The following AKT3 variants were observed in gnomAD, a reference collection of about 807,000 sequenced individuals.
The protein encoded by AKT3 is RAC-gamma serine/threonine-protein kinase.
AKT3 carries 15 observed loss-of-function variants against 65.3 expected under a neutral mutation model. The observed-to-expected ratio is 0.23, with a 90% CI of 0.15 to 0.35. The LOEUF (loss-of-function observed/expected upper bound fraction) is 0.35, where lower values mean the gene tolerates loss of function less well. Among genes scored for constraint, AKT3 ranks in the 10% least tolerant of loss-of-function variants. The probability of loss-of-function intolerance (pLI) is 1.00; values close to 1 mark genes in which losing one functional copy is unlikely to be tolerated. For synonymous variants in AKT3, 206 were observed against 183.8 expected (o/e 1.12, Z -0.98); for missense variants, 243 against 576.5 (o/e 0.42, Z 5.92).
intron 2 of AKT3, among the ~76,000 whole-genome samples, chr1:243,744,150 T>G (rs902955440): frequency 6.6e-6 from 1 of 152,222 alleles, no homozygotes; most frequent in Non-Finnish European, 1.5e-5. Flanking sequence ...CTGAATGAAC[T>G]GTTAGTACAA....
At chr1:243,670,207 G>A (rs1683070357) in intron 3 of AKT3, among the ~76,000 whole-genome samples, 1 of 152,118 alleles carries the variant, frequency 6.6e-6, no homozygotes, top group South Asian at 2.1e-4. Context: ...GTCTCAGTAT[G>A]AAATACTCTA....
At chr1:243,634,980 T>G (rs1185581488) in intron 6 of AKT3, among the ~76,000 whole-genome samples, 1 of 151,910 alleles carries the variant, frequency 6.6e-6, no homozygotes, top group Non-Finnish European at 1.5e-5. Flanking sequence ...AATGCTCTAT[T>G]AAATATACAC....
intron 9 of AKT3, among the ~76,000 whole-genome samples, chr1:243,567,069 CAGG>C (rs1375221078): frequency 6.6e-6 from 1 of 152,146 alleles, no homozygotes; most frequent in African/African-American, 2.4e-5. Flanking sequence ...CGCTTGAGCT[CAGG>C]AGTTCAAGAC....
At chr1:243,654,034 A>G (rs1039520887) in intron 4 of AKT3, among the ~76,000 whole-genome samples, 1 of 151,546 alleles carries the variant, frequency 6.6e-6, no homozygotes, top group Non-Finnish European at 1.5e-5. Flanking sequence ...AATTATTTTT[A>G]TATATATCCT....
intron 4 of AKT3, 27 bp downstream of exon 4, chr1:243,664,745 C>A: frequency 1.4e-5 from 18 of 1,260,486 alleles, no homozygotes; most frequent in Non-Finnish European, 2.0e-5. Context: ...TGCTTTTTCA[C>A]AAAATGAAAA....
intron 8 of AKT3, among the ~76,000 whole-genome samples, chr1:243,587,274 T>C (rs978483437): frequency 6.6e-6 from 1 of 152,196 alleles, no homozygotes; most frequent in African/African-American, 2.4e-5. Flanking sequence ...AGCAAGATAA[T>C]TTTTAAAGTT....
intron 12 of AKT3, among the ~76,000 whole-genome samples, chr1:243,537,626 AAG>A (rs1188607966): frequency 6.6e-6 from 1 of 152,162 alleles, no homozygotes; most frequent in African/African-American, 2.4e-5. Context: ...TCTTCTCCAT[AAG>A]AGTCTATTCC....
chr1:243,490,369 T>C (rs1163529938), intron 13 of AKT3, among the ~76,000 whole-genome samples: 1 of 152,180 alleles, frequency 6.6e-6, no homozygotes, highest in Admixed American at 6.5e-5. Context: ...CTGCCACAGC[T>C]AATCTAGGAG....
At chr1:243,499,639 G>A, downstream of AKT3, 2 of 825,006 alleles carry the variant, frequency 2.4e-6, no homozygotes, top group South Asian at 2.8e-5. Flanking sequence ...TTTAGCAACA[G>A]GTTTTTTTCT....
chr1:243,820,660 A>C (rs1298423308), intron 2 of AKT3, among the ~76,000 whole-genome samples: 1 of 152,234 alleles, frequency 6.6e-6, no homozygotes, highest in East Asian at 1.9e-4. Context: ...TGGAACCACA[A>C]GTATAAATAG....
At chr1:243,746,252 G>A (rs886357229) in intron 2 of AKT3, among the ~76,000 whole-genome samples, 1 of 151,234 alleles carries the variant, frequency 6.6e-6, no homozygotes, top group African/African-American at 2.4e-5. Flanking sequence ...ATCAGTCCCA[G>A]GTCTTTTTAG....
At chr1:243,661,845 A>C (rs1272408181) in intron 4 of AKT3, among the ~76,000 whole-genome samples, 1 of 149,264 alleles carries the variant, frequency 6.7e-6, no homozygotes. Context: ...CAATGAACTC[A>C]AACAAATTTA....
chr1:243,745,616 A>C (rs1227772241), intron 2 of AKT3, among the ~76,000 whole-genome samples: 5 of 152,190 alleles, frequency 3.3e-5, no homozygotes, highest in Non-Finnish European at 7.3e-5. Context: ...TGTGACCCTC[A>C]GGCCACATGC....
chr1:243,572,127 G>T (rs1674605878), intron 9 of AKT3, among the ~76,000 whole-genome samples: 1 of 151,988 alleles, frequency 6.6e-6, no homozygotes, highest in Non-Finnish European at 1.5e-5. Context: ...CTTTAATGTC[G>T]CCAACCTAAT....
chr1:243,538,722 G>A (rs1383320681), intron 12 of AKT3, among the ~76,000 whole-genome samples: 3 of 151,700 alleles, frequency 2.0e-5, no homozygotes, highest in Non-Finnish European at 2.9e-5. Context: ...AAAGATGAGC[G>A]CAGTGATGTA....
At chr1:243,576,962 C>T (rs1302855689) in intron 8 of AKT3, among the ~76,000 whole-genome samples, 1 of 152,212 alleles carries the variant, frequency 6.6e-6, no homozygotes, top group Admixed American at 6.5e-5. Flanking sequence ...CATCACACTA[C>T]CTGACTTCAA....
chr1:243,567,487 CTTTTTTTTT>C (rs993323556), intron 9 of AKT3, among the ~76,000 whole-genome samples: 108 of 122,294 alleles, frequency 8.8e-4, no homozygotes, highest in Non-Finnish European at 1.3e-3. Context: ...TTGTTTCTTC[CTTTTTTTTT>C]TTTTTTTTTT....
At chr1:243,535,774 T>C (rs1671884705) in intron 12 of AKT3, among the ~76,000 whole-genome samples, 1 of 152,238 alleles carries the variant, frequency 6.6e-6, no homozygotes, top group Non-Finnish European at 1.5e-5. Context: ...GTACATCTAC[T>C]AGTAGTTCTT....
chr1:243,806,451 T>C lies in AKT3; in HGVS notation c.46+36674A>G, dbSNP rs534361989. On this transcript the variant is annotated intron_variant, in intron 2 of 13. Transcript: ENST00000673466. ...CTGCAGTGCTTTGCAAGCATCAAAG[T>C]TGAAAGTGCTAGCTTTGTGAATACC... 1.2e-4 allele frequency among the ~76,000 whole-genome samples: 18 copies of C among 152,316 alleles called. 1 individual carries two copies. In the South Asian group the frequency reaches 3.5e-3, roughly 30 times the overall value.
Sources: gnomAD v4.1 joint callset for allele counts (sites outside exome capture counted in the v4.1 genomes callset) on GRCh38, gnomAD v4.1.1 for gene constraint, MANE v1.5 for transcripts, NCBI Gene and HGNC (gene_info 2026-07-23, HGNC 2026-07-21) for gene names.